DGKG: variants seen among roughly 807,000 people sequenced by gnomAD.
The protein encoded by DGKG is diacylglycerol kinase gamma, also known as DAG kinase gamma.
Under a neutral mutation model 105.3 loss-of-function variants are expected in DGKG, and 78 were observed. That is an observed-to-expected ratio of 0.74 (90% CI 0.62 to 0.89). The LOEUF is 0.89. DGKG is among the 40% of genes least tolerant of loss of function. The pLI, the probability that DGKG is intolerant of heterozygous loss-of-function variation, is 0.00. For synonymous variants in DGKG, 346 were observed against 367.1 expected (o/e 0.94, Z 0.66); for missense variants, 958 against 1,020.1 (o/e 0.94, Z 0.83).
intron 1 of DGKG, among the ~76,000 whole-genome samples, chr3:186,323,562 G>A (rs1305116389): frequency 6.6e-6 from 1 of 152,202 alleles, no homozygotes; most frequent in African/African-American, 2.4e-5. Context: ...AGGAGGCTAA[G>A]ATGGGCGGAT....
chr3:186,165,468 A>T (rs993827834), intron 22 of DGKG, among the ~76,000 whole-genome samples: 1 of 152,204 alleles, frequency 6.6e-6, no homozygotes, highest in Non-Finnish European at 1.5e-5. Flanking sequence ...CCCACTGACA[A>T]TGACTGATGG....
In DGKG at chr3:186,342,590, T is replaced by C. The variant is rs148640061; in HGVS notation, c.-249+19356A>G. On this transcript the variant is annotated intron_variant, in intron 1 of 24. Coordinates refer to ENST00000265022, the MANE Select transcript of DGKG (RefSeq NM_001346.3). ...TTTTTGTTTTGTTTTATTTCTGTTT[T>C]TTTTCTCTCGGTCCCTCATTCTGAC... Among the ~76,000 whole-genome samples, 44 of 152,242 alleles carry C rather than the reference T, an allele frequency of 2.9e-4. 1 individual carries two copies. The East Asian group carries it at 6.7e-3, about 23-fold the overall frequency.
chr3:186,225,920 G>A (rs1276566166), intron 20 of DGKG, among the ~76,000 whole-genome samples: 1 of 152,206 alleles, frequency 6.6e-6, no homozygotes, highest in East Asian at 1.9e-4. Context: ...GGGCTGACCA[G>A]CTGCAGCAGG....
At chr3:186,279,730 C>T in intron 9 of DGKG, 121 bp downstream of exon 9, 1 of 1,119,532 alleles carries the variant, frequency 8.9e-7, no homozygotes, top group Non-Finnish European at 1.3e-6. Context: ...GACTTTGGGG[C>T]TGGTCATGGC....
chr3:186,263,165 ACACCAC>A (rs67839032), intron 14 of DGKG, among the ~76,000 whole-genome samples: 2 of 151,556 alleles, frequency 1.3e-5, no homozygotes, highest in Non-Finnish European at 2.9e-5. Context: ...CAAACAAAAA[ACACCAC>A]CACCACCACC....
chr3:186,300,745 C>G (rs1342985284), intron 3 of DGKG, among the ~76,000 whole-genome samples: 1 of 152,098 alleles, frequency 6.6e-6, no homozygotes, highest in Admixed American at 6.5e-5. Context: ...ACTAAATGAT[C>G]TAATAAAAAG....
At chr3:186,283,550 T>C (rs1486199808) in intron 7 of DGKG, among the ~76,000 whole-genome samples, 1 of 152,212 alleles carries the variant, frequency 6.6e-6, no homozygotes, top group Non-Finnish European at 1.5e-5. Flanking sequence ...CCTTTATTTT[T>C]CTTCTCAGCA....
intron 12 of DGKG, among the ~76,000 whole-genome samples, chr3:186,268,138 C>T (rs902850945): frequency 6.6e-6 from 1 of 152,196 alleles, no homozygotes; most frequent in Non-Finnish European, 1.5e-5. Context: ...GATGAACAAA[C>T]TCATGGATGG....
At chr3:186,239,348 G>T (rs1720565228) in intron 20 of DGKG, among the ~76,000 whole-genome samples, 1 of 152,232 alleles carries the variant, frequency 6.6e-6, no homozygotes, top group Non-Finnish European at 1.5e-5. Context: ...CAGTTCAGCT[G>T]AGTAAAATAG....
At chr3:186,337,061 A>C (rs898672292) in intron 1 of DGKG, among the ~76,000 whole-genome samples, 6 of 152,224 alleles carry the variant, frequency 3.9e-5, no homozygotes, top group Non-Finnish European at 8.8e-5. Flanking sequence ...GTCATCAAAA[A>C]ACAGATAATT....
At chr3:186,321,125 C>T (rs990477586) in intron 1 of DGKG, among the ~76,000 whole-genome samples, 1 of 152,170 alleles carries the variant, frequency 6.6e-6, no homozygotes, top group Non-Finnish European at 1.5e-5. Context: ...CTGGAATAAC[C>T]CCAAGGCTGG....
At position 186,241,635 on chromosome 3, in the gene DGKG, G is replaced by A. The variant is rs146626230; in HGVS notation, c.1826+869C>T. ...CAACACCTTTAGGCTCAAAAACAAA[G>A]TCCAAATCATTATCCATTCTTCTCC... On this transcript the variant is annotated intron_variant, in intron 20 of 24. Transcript: ENST00000265022. Among the ~76,000 whole-genome samples the A allele has an allele frequency of 6.3e-3, 953 of 152,250 alleles. 8 individuals are homozygous for A. The highest frequency in any genetic ancestry group is 0.022 in the African/African-American group (907 of 41,550).
At chr3:186,234,496 A>C (rs954611861) in intron 20 of DGKG, among the ~76,000 whole-genome samples, 4 of 152,280 alleles carry the variant, frequency 2.6e-5, no homozygotes, top group African/African-American at 9.6e-5. Flanking sequence ...TCAATCAGTC[A>C]GTAAATACTG....
chr3:186,280,671 G>A lies in DGKG; in HGVS notation c.668C>T (p.Pro223Leu), dbSNP rs201806224. Residue 223 changes from proline to leucine, a missense_variant and splice_region_variant, in exon 8 of 25, where the codon CCT becomes CTT. Physicochemically the swap from Pro to Leu is moderately conservative, Grantham distance 98. Coordinates refer to ENST00000265022, the MANE Select transcript of DGKG (RefSeq NM_001346.3). ...YLEWDPTELR[P>L]ILKEMLQGMD... The stretch of plus-strand genomic sequence containing the variant: ...CACCCCATCCTTATAGAAACTCACA[G>A]GCCTCAGCTCTGTGGGATCCCACTC... 1.0e-4 allele frequency: 169 copies of A among 1,613,244 alleles called. No individual in the cohort carries two copies. Among genetic ancestry groups the A allele is most frequent in the Non-Finnish European group, 1.3e-4 (157 of 1,179,376 alleles).
chr3:186,353,565 G>GTA (rs66460527), intron 1 of DGKG, among the ~76,000 whole-genome samples: 6,618 of 116,856 alleles, frequency 0.057, 158 homozygotes, highest in Middle Eastern at 0.095. Context: ...TTTTATGTAT[G>GTA]TATATATATA....
In DGKG at chr3:186,177,571, GT is replaced by G. The variant is rs529566686; in HGVS notation, c.2095+10630del. ...TCATTATGCCAATATTAACACGATT[GT>G]TCTAAAGATATTTCTTACATGTAGA... On this transcript the variant is annotated intron_variant, in intron 22 of 24. Coordinates refer to ENST00000265022, the MANE Select transcript of DGKG (RefSeq NM_001346.3). Among the ~76,000 whole-genome samples, 73 of 152,288 alleles carry G rather than the reference GT, an allele frequency of 4.8e-4. 1 individual carries two copies. The South Asian group carries it at 0.014, about 30-fold the overall frequency.
rs530874732 is a variant in DGKG at position 186,310,960 on chromosome 3, G to A, written c.68-3983C>T. On this transcript the variant is annotated intron_variant, in intron 2 of 24. Coordinates refer to ENST00000265022, the MANE Select transcript of DGKG (RefSeq NM_001346.3). The stretch of plus-strand genomic sequence containing the variant: ...AGTGATTCTTTCAAGGAGACAGCTC[G>A]TAAGTCACACTTCTTAAACATTTCT... Among the ~76,000 whole-genome samples, 22 of 152,018 alleles carry A rather than the reference G, an allele frequency of 1.4e-4. No homozygotes were observed. The East Asian group carries it at 2.3e-3, about 16-fold the overall frequency.
intron 19 of DGKG, among the ~76,000 whole-genome samples, chr3:186,243,134 C>T (rs892450293): frequency 6.6e-6 from 1 of 151,706 alleles, no homozygotes; most frequent in Non-Finnish European, 1.5e-5. Context: ...TTGGTAGATG[C>T]TATTAGATAT....
chr3:186,305,870 T>C (rs1441496348), intron 3 of DGKG, among the ~76,000 whole-genome samples: 11 of 152,150 alleles, frequency 7.2e-5, no homozygotes. Context: ...TTTACTGAAA[T>C]GGAGTAGACT....
Sources: gnomAD v4.1 joint callset for allele counts (sites outside exome capture counted in the v4.1 genomes callset) on GRCh38, gnomAD v4.1.1 for gene constraint, MANE v1.5 for transcripts, NCBI Gene and HGNC (gene_info 2026-07-23, HGNC 2026-07-21) for gene names.